TENM4: variants seen among roughly 807,000 people sequenced by gnomAD.
TENM4 encodes the protein teneurin transmembrane protein 4.
Under a neutral mutation model 243.3 loss-of-function variants are expected in TENM4, and 82 were observed. The ratio of observed to expected loss-of-function variants is 0.34; its 90% CI spans 0.28 to 0.40. TENM4 has a LOEUF of 0.40. Ranked by LOEUF, TENM4 falls within the 10% of genes least tolerant of loss-of-function variation. The pLI is 1.00. For missense variants in TENM4, 3,138 were observed against 3,673.3 expected (o/e 0.85, Z 3.77); for synonymous variants, 1,412 against 1,456.3 (o/e 0.97, Z 0.69).
chr11:79,202,506 A>G (rs1488328149), intron 3 of TENM4, among the ~76,000 whole-genome samples: 3 of 152,270 alleles, frequency 2.0e-5, no homozygotes, highest in East Asian at 1.9e-4. Context: ...ATAAACTCAC[A>G]TAGTTCAGAC....
intron 1 of TENM4, among the ~76,000 whole-genome samples, chr11:79,391,842 G>A (rs749801773): frequency 6.6e-6 from 1 of 152,134 alleles, no homozygotes; most frequent in African/African-American, 2.4e-5. Context: ...TTCAATGATG[G>A]ACTGTGGACA....
At chr11:78,832,684 G>T (rs758626241) in intron 12 of TENM4, among the ~76,000 whole-genome samples, 8 of 152,214 alleles carry the variant, frequency 5.3e-5, no homozygotes, top group Non-Finnish European at 1.2e-4. Context: ...TGTAATCCTC[G>T]TAATAAGGGC....
rs578110357 is a variant in TENM4, at chr11:79,410,119, T to C, written c.-321+30390A>G. Among the ~76,000 whole-genome samples, 4 of 152,342 alleles carry C rather than the reference T, an allele frequency of 2.6e-5. No homozygotes were observed. In the East Asian group the frequency reaches 7.7e-4, roughly 29 times the overall value. On this transcript the variant is annotated intron_variant, in intron 1 of 33. Transcript: ENST00000278550. ...TGTTGGGCCGCATTCAAAACCATTC[T>C]GGGCTTCATGGAGCCTGCAGGCTGC...
intron 12 of TENM4, among the ~76,000 whole-genome samples, chr11:78,850,342 G>T (rs1363963668): frequency 6.6e-6 from 1 of 152,118 alleles, no homozygotes; most frequent in Non-Finnish European, 1.5e-5. Flanking sequence ...TGACATCTCA[G>T]ATCTTCTTAA....
intron 22 of TENM4, among the ~76,000 whole-genome samples, chr11:78,728,604 C>T (rs886748506): frequency 2.0e-5 from 3 of 149,718 alleles, no homozygotes; most frequent in South Asian, 2.2e-4. Flanking sequence ...AACATTACTT[C>T]TCTGCTTCCT....
rs866545304 is a variant in TENM4 at position 78,731,264 on chromosome 11, C to G, written c.3138+1052G>C. 1.2e-4 allele frequency among the ~76,000 whole-genome samples: 19 copies of G among 152,286 alleles called. 1 individual carries two copies. The South Asian group carries it at 3.9e-3, about 32-fold the overall frequency. Reference sequence around the variant, plus strand: ...CAGCAAGCTCTGTCTCCACTGACAACCATTTCATAAGAAAGGTCAGCCTGG... The same window carrying G: ...CAGCAAGCTCTGTCTCCACTGACAAGCATTTCATAAGAAAGGTCAGCCTGG... On this transcript the variant is annotated intron_variant, in intron 21 of 33. Coordinates refer to ENST00000278550, the MANE Select transcript of TENM4 (RefSeq NM_001098816.3).
intron 12 of TENM4, among the ~76,000 whole-genome samples, chr11:78,844,704 G>A (rs1858348132): frequency 6.6e-6 from 1 of 151,842 alleles, no homozygotes; most frequent in South Asian, 2.1e-4. Flanking sequence ...ACAGAGAAAA[G>A]CCCACATGAG....
intron 1 of TENM4, among the ~76,000 whole-genome samples, chr11:79,302,534 A>G (rs1389357242): frequency 6.6e-6 from 1 of 152,196 alleles, no homozygotes; most frequent in Non-Finnish European, 1.5e-5. Flanking sequence ...CTCTCCCAAC[A>G]TTTTAAAACC....
intron 9 of TENM4, among the ~76,000 whole-genome samples, chr11:78,869,029 C>T (rs573494497): frequency 3.3e-5 from 5 of 152,182 alleles, no homozygotes; most frequent in African/African-American, 1.2e-4. Context: ...AAATGACAGG[C>T]TTTCATTCCC....
intron 2 of TENM4, among the ~76,000 whole-genome samples, chr11:79,280,417 C>A (rs1856135864): frequency 6.6e-6 from 1 of 152,218 alleles, no homozygotes; most frequent in Non-Finnish European, 1.5e-5. Flanking sequence ...AAGGTGCCAC[C>A]ACAGCTCCAG....
Position 78,658,578 on chromosome 11 carries a change from A to G in TENM4, c.7790T>C (p.Ile2597Thr), listed in dbSNP as rs773788517. Residue 2597 changes from isoleucine to threonine, a missense_variant, in exon 34 of 34, where the codon ATC becomes ACC. This residue lies in a region of TENM4 where 2,467 missense variants were observed against 3,059.1 expected (regional missense o/e 0.81). Coordinates refer to ENST00000278550, the MANE Select transcript of TENM4 (RefSeq NM_001098816.3). The part of the protein sequence containing the change: ...ANEDGRRVAA[I>T]LNHAHYLENL... The stretch of plus-strand genomic sequence containing the variant: ...CTCTAGGTAGTGGGCATGGTTCAAG[A>G]TGGCAGCAACCCTTCGCCCATCCTC... 34 of 1,613,980 alleles carry G rather than the reference A, an allele frequency of 2.1e-5. No individual in the cohort carries two copies. Among genetic ancestry groups the G allele is most frequent in the Non-Finnish European group, 2.9e-5 (34 of 1,179,882 alleles).
chr11:78,695,572 AG>A (rs748650027), intron 28 of TENM4, among the ~76,000 whole-genome samples: 29 of 152,120 alleles, frequency 1.9e-4, no homozygotes, highest in Non-Finnish European at 3.8e-4. Context: ...CATGTTGGCC[AG>A]GCTGGTCTCG....
chr11:78,922,028 C>A (rs533412419), intron 6 of TENM4, among the ~76,000 whole-genome samples: 75 of 152,180 alleles, frequency 4.9e-4, no homozygotes, highest in Non-Finnish European at 9.7e-4. Context: ...TGCTGGCACC[C>A]AGGCTGTATA....
At chr11:78,928,017 C>T (rs1403284045) in intron 6 of TENM4, among the ~76,000 whole-genome samples, 1 of 152,210 alleles carries the variant, frequency 6.6e-6, no homozygotes, top group Non-Finnish European at 1.5e-5. Context: ...ACCAAACCCA[C>T]ATCTCCCTAC....
intron 6 of TENM4, among the ~76,000 whole-genome samples, chr11:78,940,531 C>T (rs1295511761): frequency 6.6e-6 from 1 of 152,206 alleles, no homozygotes; most frequent in African/African-American, 2.4e-5. Context: ...CAGACATTCA[C>T]GGATGAGCTC....
chr11:78,862,281 C>T (rs1433168818), intron 10 of TENM4, among the ~76,000 whole-genome samples: 2 of 152,094 alleles, frequency 1.3e-5, no homozygotes, highest in Non-Finnish European at 2.9e-5. Context: ...CTGGCCAAAT[C>T]ACTTAATTAG....
chr11:79,077,761 G>T (rs912509016), intron 4 of TENM4, among the ~76,000 whole-genome samples: 2 of 152,048 alleles, frequency 1.3e-5, no homozygotes, highest in Non-Finnish European at 2.9e-5. Context: ...GGAGCAGCCT[G>T]GTAGAAGAAA....
chr11:79,074,482 T>C (rs1277544789), intron 4 of TENM4, among the ~76,000 whole-genome samples: 2 of 152,202 alleles, frequency 1.3e-5, no homozygotes, highest in Non-Finnish European at 2.9e-5. Context: ...CCCACCAACC[T>C]CTGGGTTCCC....
At chr11:78,845,268 C>T (rs1029846082) in intron 12 of TENM4, among the ~76,000 whole-genome samples, 1 of 152,230 alleles carries the variant, frequency 6.6e-6, no homozygotes, top group Non-Finnish European at 1.5e-5. Context: ...ATGCTGAATA[C>T]TTGACACATT....
Sources: allele counts gnomAD v4.1 joint callset (sites outside exome capture counted in the v4.1 genomes callset), GRCh38; gene constraint gnomAD v4.1.1; regional missense constraint gnomAD v4.1.1; transcripts MANE v1.5; gene names NCBI Gene and HGNC (gene_info 2026-07-23, HGNC 2026-07-21).